Variants in DLG4 observed in about 807,000 individuals in gnomAD.
DLG4 encodes disks large homolog 4.
In DLG4, 7 loss-of-function variants were observed where a neutral mutation model predicts 93.8. That is an observed-to-expected ratio of 0.07 (90% confidence interval 0.04 to 0.14). The LOEUF is 0.14. Ranked by LOEUF, DLG4 falls within the 10% of genes least tolerant of loss-of-function variation. DLG4 has a pLI of 1.00. For synonymous variants in DLG4, 341 were observed against 387.6 expected (o/e 0.88, Z 1.41); for missense variants, 545 against 992.9 (o/e 0.55, Z 6.06).
At chr17:7,219,396 G>C, upstream of DLG4, 4 of 1,012,902 alleles carry the variant, frequency 3.9e-6, no homozygotes, top group Non-Finnish European at 4.7e-6. Flanking sequence ...AATCTGGGGG[G>C]GTCTTCCTAC....
rs1391114098 is a variant in DLG4 at position 7,189,577 on chromosome 17, TCTATTTTC to T, written c.*1123_*1130del. 6.6e-6 allele frequency among the ~76,000 whole-genome samples: 1 copy of T among 152,102 alleles called. No homozygotes were observed. The highest frequency in any genetic ancestry group is 2.4e-5 in the African/African-American group (1 of 41,410). ...GAACATGAATGAACGAAGTTTCCTC[TCTATTTTC>T]CTTTAAGGACTGTTGTGCTTCCCAA... On this transcript the variant is annotated 3_prime_UTR_variant, in exon 20 of 20. Transcript: ENST00000399506.
In DLG4 at chr17:7,192,188, C is replaced by A. The variant is rs2242449; in HGVS notation, c.1867-186G>T. ...AAGCGGGTATGGACAGAGTAAAAGA[C>A]AGAGGGAAAGGAAAGGGAAGATGGA... On this transcript the variant is annotated intron_variant, in intron 17 of 19. Transcript: ENST00000399506. The A allele has an allele frequency of 2.3e-6, 1 of 435,918 alleles. No homozygotes were observed. Among genetic ancestry groups the A allele is most frequent in the Non-Finnish European group, 4.0e-6 (1 of 247,432 alleles). The allele number at this position is 435,918 out of a possible 1,614,324, so 27.0% of individuals were successfully genotyped here.
chr17:7,202,199 C>A (rs1484482303), intron 8 of DLG4, among the ~76,000 whole-genome samples: 1 of 152,182 alleles, frequency 6.6e-6, no homozygotes, highest in Non-Finnish European at 1.5e-5. Flanking sequence ...GCCTCAGCCT[C>A]CCAAGTAGCA....
upstream of DLG4, chr17:7,217,658 G>A (rs2070992804): frequency 9.2e-6 from 11 of 1,202,066 alleles, no homozygotes; most frequent in Non-Finnish European, 1.1e-5. Flanking sequence ...GAGGGAGGGA[G>A]CTAGGAGCCA....
chr17:7,200,966 TCTC>T (rs1376200970), intron 8 of DLG4, among the ~76,000 whole-genome samples: 4 of 151,252 alleles, frequency 2.6e-5, no homozygotes, highest in African/African-American at 9.7e-5. Context: ...GTCAAGGAAT[TCTC>T]CTGTCTCAGC....
chr17:7,207,975 C>T (rs1299062699), intron 2 of DLG4, 199 bp downstream of exon 2: 11 of 1,056,664 alleles, frequency 1.0e-5, no homozygotes, highest in Non-Finnish European at 1.3e-5. Context: ...CCAGCATCCC[C>T]CTCCCCACGG....
At chr17:7,199,566 A>C (rs1192766293) in intron 8 of DLG4, among the ~76,000 whole-genome samples, 1 of 152,166 alleles carries the variant, frequency 6.6e-6, no homozygotes, top group African/African-American at 2.4e-5. Context: ...TTCACTGGAC[A>C]GTAGAAGCAC....
Position 7,191,727 on chromosome 17 carries a change from G to C in DLG4, c.1976+166C>G. 1 of 570,878 alleles carries C rather than the reference G, an allele frequency of 1.8e-6. No homozygotes were observed. The highest frequency in any genetic ancestry group is 2.9e-5 in the East Asian group (1 of 34,986). The allele number at this position is 570,878 out of a possible 1,614,324, so 35.4% of individuals were successfully genotyped here. A position where few individuals can be genotyped will look rare whatever the true frequency, so the allele number is the denominator to read the frequency against. On this transcript the variant is annotated intron_variant, in intron 18 of 19. Transcript: ENST00000399506. This position sits in a 1 kb window ranked among gnomAD's most constrained non-coding sequence, Gnocchi z 6.6. The stretch of plus-strand genomic sequence containing the variant: ...GTCTAGCCAAGGCAGGAGAGGAGGG[G>C]AAAGACCCGATTCCCCCACATCCTC...
chr17:7,192,394 A>G, intron 17 of DLG4: 1 of 176,420 alleles, frequency 5.7e-6, no homozygotes, highest in Non-Finnish European at 1.2e-5. Context: ...GGATAGAGGG[A>G]GGAGGGAGGG....
At chr17:7,219,912 G>T (rs895489463), upstream of DLG4, 3 of 692,504 alleles carry the variant, frequency 4.3e-6, no homozygotes, top group Non-Finnish European at 4.2e-6. Flanking sequence ...GGTTAGGGGC[G>T]CCAGGACGTG....
intron 8 of DLG4, among the ~76,000 whole-genome samples, chr17:7,202,132 G>A (rs572623349): frequency 9.8e-5 from 15 of 152,324 alleles, no homozygotes; most frequent in African/African-American, 3.1e-4. Context: ...CTGGTGGGCA[G>A]TGGCGCAATC....
Position 7,189,552 on chromosome 17 carries a change from G to GAACAT in DLG4, c.*1151_*1155dup, listed in dbSNP as rs1227951801. Among the ~76,000 whole-genome samples, 1 of 152,072 alleles carries GAACAT rather than the reference G, an allele frequency of 6.6e-6. No individual in the cohort carries two copies. Among genetic ancestry groups the GAACAT allele is most frequent in the East Asian group, 1.9e-4 (1 of 5,196 alleles). On this transcript the variant is annotated 3_prime_UTR_variant, in exon 20 of 20. Transcript: ENST00000399506. ...ATCCTAGCTCTGTCCACAACTCCAT[G>GAACAT]AACATGAATGAACGAAGTTTCCTCT...
rs552883925 is a variant in DLG4, at chr17:7,203,841, C to T, written c.211-25G>A. 6.2e-7 allele frequency: 1 copy of T among 1,612,108 alleles called. No individual in the cohort carries two copies. Among genetic ancestry groups the T allele is most frequent in the Admixed American group, 1.7e-5 (1 of 59,722 alleles). On this transcript the variant is annotated intron_variant, in intron 4 of 19. Coordinates refer to ENST00000399506, the MANE Select transcript of DLG4 (RefSeq NM_001321075.3). This position sits in a 1 kb window ranked among gnomAD's most constrained non-coding sequence, Gnocchi z 7.2. ...CCTGGGTGAAGGAGGGGAAGAGGGTCAGCTCCCCTCACTGCCCAAGTCTGG... is the reference window on the plus strand; with the variant it reads ...CCTGGGTGAAGGAGGGGAAGAGGGTTAGCTCCCCTCACTGCCCAAGTCTGG...
At chr17:7,219,938 A>G (rs763375468), upstream of DLG4, 1 of 674,800 alleles carries the variant, frequency 1.5e-6, no homozygotes, top group Non-Finnish European at 2.3e-6. Flanking sequence ...GCAGGACGCC[A>G]GAGCTGGGTC....
At chr17:7,212,893 C>T (rs1292383174) in intron 1 of DLG4, among the ~76,000 whole-genome samples, 1 of 151,964 alleles carries the variant, frequency 6.6e-6, no homozygotes, top group Non-Finnish European at 1.5e-5. Flanking sequence ...ATTAGCCGGG[C>T]GCGGTGGCAG....
chr17:7,218,757 G>A (rs367945726), upstream of DLG4: 79 of 1,596,638 alleles, frequency 4.9e-5, no homozygotes, highest in Non-Finnish European at 9.4e-6. Context: ...AAAGATTTGG[G>A]GAGAAGGATC....
At chr17:7,211,676 G>A (rs1437167031) in intron 1 of DLG4, 2 of 981,730 alleles carry the variant, frequency 2.0e-6, no homozygotes, top group Non-Finnish European at 2.4e-6. Context: ...GACACATGGA[G>A]GCGAATCTGT....
At position 7,191,148 on chromosome 17, in the gene DLG4, C is replaced by T; in HGVS notation, c.2068+119G>A. 1 of 900,760 alleles carries T rather than the reference C, an allele frequency of 1.1e-6. No homozygotes were observed. The highest frequency in any genetic ancestry group is 1.5e-5 in the South Asian group (1 of 67,408). 55.8% of individuals were successfully genotyped at this position (900,760 alleles called of 1,614,324 possible). On this transcript the variant is annotated intron_variant, in intron 19 of 19. Coordinates refer to ENST00000399506, the MANE Select transcript of DLG4 (RefSeq NM_001321075.3). This position sits in a 1 kb window ranked among gnomAD's most constrained non-coding sequence, Gnocchi z 6.6. ...GTGCTGGGATTACAGGCGTGAGCCA[C>T]CATGCCGCGCCCACAGGGGCACCTC...
intron 1 of DLG4, among the ~76,000 whole-genome samples, chr17:7,212,889 C>T (rs1245204976): frequency 6.6e-6 from 1 of 151,994 alleles, no homozygotes; most frequent in African/African-American, 2.4e-5. Context: ...AAAAATTAGC[C>T]GGGCGCGGTG....
Sources: allele counts gnomAD v4.1 joint callset (sites outside exome capture counted in the v4.1 genomes callset), GRCh38; gene constraint gnomAD v4.1.1; non-coding constraint Gnocchi (gnomAD v3.1); transcripts MANE v1.5; gene names NCBI Gene and HGNC (gene_info 2026-07-23, HGNC 2026-07-21).